REEP3: variants seen among roughly 807,000 people sequenced by gnomAD.
REEP3 encodes the protein receptor expression-enhancing protein 3.
Under a neutral mutation model 41.3 loss-of-function variants are expected in REEP3, and 20 were observed. That is an observed-to-expected ratio of 0.48 (90% CI 0.34 to 0.70). The LOEUF (loss-of-function observed/expected upper bound fraction) is 0.70. REEP3 is among the 30% of genes least tolerant of loss of function. The pLI is 0.01. For synonymous variants in REEP3, 104 were observed against 101.8 expected, an observed-to-expected ratio of 1.02 and a Z score of -0.13; for missense variants, 271 against 308.8, an observed-to-expected ratio of 0.88 and a Z score of 0.92.
chr10:63,606,219 T>TAAG (rs34030237), intron 5 of REEP3: 164,541 of 268,628 alleles, frequency 0.61, 52,946 homozygotes, highest in South Asian at 0.7. Context: ...CTTTATTGAC[T>TAAG]AAGACCGCTG....
chr10:63,577,885 T>C lies in REEP3; in HGVS notation c.105+11475T>C, dbSNP rs565069653. 1.4e-4 allele frequency among the ~76,000 whole-genome samples: 22 copies of C among 152,278 alleles called. No individual in the cohort carries two copies. The East Asian group carries it at 4.2e-3, about 29-fold the overall frequency. ...CTCAGTTACTACTCATCCATTTCCT[T>C]CCTGGTTCCAAAATTCTTATGTTCT... On this transcript the variant is annotated intron_variant, in intron 2 of 7. Coordinates refer to ENST00000373758, the MANE Select transcript of REEP3 (RefSeq NM_001001330.3).
chr10:63,539,072 A>G (rs1277071442), intron 1 of REEP3, among the ~76,000 whole-genome samples: 1 of 152,232 alleles, frequency 6.6e-6, no homozygotes, highest in African/African-American at 2.4e-5. Context: ...TTTCACTTCA[A>G]AAGTTATCTA....
At chr10:63,532,224 ATAAAAG>A (rs1955427461) in intron 1 of REEP3, among the ~76,000 whole-genome samples, 1 of 152,252 alleles carries the variant, frequency 6.6e-6, no homozygotes, top group Admixed American at 6.5e-5. Context: ...CAAGGAAATC[ATAAAAG>A]TAAAAGTCAT....
intron 3 of REEP3, among the ~76,000 whole-genome samples, chr10:63,595,440 G>A (rs973882068): frequency 2.6e-5 from 4 of 152,176 alleles, no homozygotes; most frequent in Non-Finnish European, 5.9e-5. Flanking sequence ...TTTCAGTAGT[G>A]CATTTCCATC....
chr10:63,521,635 G>A, intron 1 of REEP3, 58 bp downstream of exon 1: 3 of 1,293,744 alleles, frequency 2.3e-6, no homozygotes, highest in South Asian at 3.6e-5. Flanking sequence ...GCTGTGGGAA[G>A]GGGAAGGAGC....
chr10:63,548,877 G>T (rs1306445130), intron 1 of REEP3, among the ~76,000 whole-genome samples: 1 of 151,922 alleles, frequency 6.6e-6, no homozygotes, highest in Non-Finnish European at 1.5e-5. Flanking sequence ...TAGAACCAAT[G>T]AATATTGTAT....
chr10:63,598,581 G>A (rs1377094036), intron 4 of REEP3, among the ~76,000 whole-genome samples: 4 of 150,394 alleles, frequency 2.7e-5, no homozygotes, highest in African/African-American at 7.4e-5. Flanking sequence ...TCCGGAGATC[G>A]AGACCATCCT....
intron 1 of REEP3, among the ~76,000 whole-genome samples, chr10:63,563,696 A>G (rs952128198): frequency 2.1e-5 from 3 of 146,042 alleles, no homozygotes; most frequent in African/African-American, 8.4e-5. Flanking sequence ...TCCAAATAAT[A>G]TAGTACTAAA....
intron 1 of REEP3, among the ~76,000 whole-genome samples, chr10:63,563,533 AT>A (rs905020335): frequency 6.6e-5 from 10 of 152,062 alleles, no homozygotes; most frequent in African/African-American, 2.4e-4. Context: ...TATATACTAT[AT>A]TTTTTTAATC....
At chr10:63,610,065 T>G in intron 5 of REEP3, 122 bp from the exon 6 acceptor site, 1 of 761,104 alleles carries the variant, frequency 1.3e-6, no homozygotes, top group Non-Finnish European at 2.1e-6. Flanking sequence ...TAAACAATAT[T>G]GGGTGTTCAT....
intron 2 of REEP3, among the ~76,000 whole-genome samples, chr10:63,566,658 G>A (rs936206907): frequency 4.6e-5 from 7 of 152,188 alleles, no homozygotes; most frequent in Non-Finnish European, 1.0e-4. Flanking sequence ...ATAAATTCCA[G>A]TGTAATAAGG....
chr10:63,623,735 T>A lies in REEP3; in HGVS notation c.*2866T>A, dbSNP rs1376565199. 6.7e-6 allele frequency: 1 copy of A among 150,080 alleles called. No homozygotes were observed. Among genetic ancestry groups the A allele is most frequent in the African/African-American group, 2.5e-5 (1 of 40,384 alleles). 9.3% of individuals were successfully genotyped at this position (150,080 alleles called of 1,614,324 possible). A position where few individuals can be genotyped will look rare whatever the true frequency, so the allele number is the denominator to read the frequency against. On this transcript the variant is annotated 3_prime_UTR_variant, in exon 8 of 8. Transcript: ENST00000373758. ...ACCTAGGTCCTGCATAAGATCCCCC[T>A]CACATACTTCACAATATATATGTGT... is the stretch of plus-strand genomic sequence containing the variant.
chr10:63,578,028 C>T (rs1348453775), intron 2 of REEP3, among the ~76,000 whole-genome samples: 3 of 152,128 alleles, frequency 2.0e-5, no homozygotes, highest in Non-Finnish European at 4.4e-5. Flanking sequence ...ACCCAAATTT[C>T]CAAATTGACT....
chr10:63,564,321 G>T (rs1412374643), intron 1 of REEP3, among the ~76,000 whole-genome samples: 1 of 152,100 alleles, frequency 6.6e-6, no homozygotes, highest in Non-Finnish European at 1.5e-5. Flanking sequence ...AAATTTGCTG[G>T]TATTCAGAAA....
At chr10:63,548,869 G>C (rs1955601997) in intron 1 of REEP3, among the ~76,000 whole-genome samples, 1 of 151,954 alleles carries the variant, frequency 6.6e-6, no homozygotes, top group South Asian at 2.1e-4. Context: ...AAAAACTTTA[G>C]AACCAATGAA....
At chr10:63,600,863 G>A (rs1237703232) in intron 5 of REEP3, among the ~76,000 whole-genome samples, 2 of 152,124 alleles carry the variant, frequency 1.3e-5, no homozygotes, top group African/African-American at 4.8e-5. Flanking sequence ...TAAAAAGCAT[G>A]TCACATTTGG....
chr10:63,620,953 C>A lies in REEP3; in HGVS notation c.*84C>A. On this transcript the variant is annotated 3_prime_UTR_variant, in exon 8 of 8. Transcript: ENST00000373758. Reference sequence around the variant, plus strand: ...TAACATGATATATTCAGGATTTACACATTAAAATGATTATTTAAATTGTGG... The same window carrying A: ...TAACATGATATATTCAGGATTTACAAATTAAAATGATTATTTAAATTGTGG... 1 of 812,666 alleles carries A rather than the reference C, an allele frequency of 1.2e-6. No homozygotes were observed. The highest frequency in any genetic ancestry group is 2.0e-6 in the Non-Finnish European group (1 of 510,008). The allele number at this position is 812,666 out of a possible 1,614,324, so 50.3% of individuals were successfully genotyped here.
intron 1 of REEP3, among the ~76,000 whole-genome samples, chr10:63,534,510 A>G (rs1955456561): frequency 6.6e-6 from 1 of 152,242 alleles, no homozygotes; most frequent in African/African-American, 2.4e-5. Context: ...TTGGTCTCCC[A>G]AAGTGATGGA....
Position 63,622,076 on chromosome 10 carries a change from A to G in REEP3, c.*1207A>G, listed in dbSNP as rs1398529655. Reference sequence around the variant, plus strand: ...GCTTTCTTAGCTTGAACTGATAACTATGCATTATGAACCCTAAGTCAATAT... The same window carrying G: ...GCTTTCTTAGCTTGAACTGATAACTGTGCATTATGAACCCTAAGTCAATAT... On this transcript the variant is annotated 3_prime_UTR_variant, in exon 8 of 8. Coordinates refer to ENST00000373758, the MANE Select transcript of REEP3 (RefSeq NM_001001330.3). 6.6e-6 allele frequency: 1 copy of G among 152,210 alleles called. No individual in the cohort carries two copies. Among genetic ancestry groups the G allele is most frequent in the Non-Finnish European group, 1.5e-5 (1 of 68,030 alleles). 9.4% of individuals were successfully genotyped at this position (152,210 alleles called of 1,614,324 possible). A position where few individuals can be genotyped will look rare whatever the true frequency, so the allele number is the denominator to read the frequency against.
Sources: allele counts gnomAD v4.1 joint callset (sites outside exome capture counted in the v4.1 genomes callset), GRCh38; gene constraint gnomAD v4.1.1; transcripts MANE v1.5; gene names NCBI Gene and HGNC (gene_info 2026-07-23, HGNC 2026-07-21).